The following PLXDC2 variants were observed in gnomAD, a reference collection of about 807,000 sequenced individuals.
PLXDC2 encodes plexin domain-containing protein 2.
In PLXDC2, 40 loss-of-function variants were observed where a neutral mutation model predicts 68.9. That is an observed-to-expected ratio of 0.58 (90% CI 0.45 to 0.76). The LOEUF is 0.76. Among genes scored for constraint, PLXDC2 ranks in the 30% least tolerant of loss-of-function variants. PLXDC2 has a pLI of 0.00. For missense variants in PLXDC2, 644 were observed against 661.9 expected, an observed-to-expected ratio of 0.97 and a Z score of 0.30; for synonymous variants, 243 against 234.2, an observed-to-expected ratio of 1.04 and a Z score of -0.34.
chr10:19,821,996 A>C (rs1224891796), intron 1 of PLXDC2, among the ~76,000 whole-genome samples: 5 of 151,930 alleles, frequency 3.3e-5, no homozygotes. Flanking sequence ...TTCTTATTCT[A>C]TGTATAAGAG....
intron 12 of PLXDC2, among the ~76,000 whole-genome samples, chr10:20,229,210 A>G (rs1835327091): frequency 6.6e-6 from 1 of 152,086 alleles, no homozygotes; most frequent in African/African-American, 2.4e-5. Context: ...GACAGGAGGG[A>G]GAAATTGAGG....
chr10:20,247,296 CAA>C (rs77665495), intron 13 of PLXDC2, among the ~76,000 whole-genome samples: 13 of 96,482 alleles, frequency 1.3e-4, no homozygotes, highest in African/African-American at 1.7e-4. Flanking sequence ...TTCATCTCTA[CAA>C]AAAAAAAAAA....
intron 1 of PLXDC2, among the ~76,000 whole-genome samples, chr10:19,982,980 A>G (rs745502956): frequency 6.6e-6 from 1 of 152,178 alleles, no homozygotes; most frequent in Non-Finnish European, 1.5e-5. Flanking sequence ...GTACTTCATC[A>G]TAGTCTCCAA....
At chr10:19,884,460 GTCACCTAGCATTAGGTATATC>G (rs1837801507) in intron 1 of PLXDC2, among the ~76,000 whole-genome samples, 1 of 151,676 alleles carries the variant, frequency 6.6e-6, no homozygotes, top group Non-Finnish European at 1.5e-5. Context: ...CCACTAACTC[GTCACCTAGCATTAGGTATATC>G]TCCCAATGCT....
chr10:20,189,135 C>T (rs1454002557), intron 9 of PLXDC2, among the ~76,000 whole-genome samples: 1 of 75,818 alleles, frequency 1.3e-5, no homozygotes, highest in African/African-American at 3.2e-5. Context: ...TCCTTTTAAG[C>T]CTTCCAAACC....
intron 1 of PLXDC2, among the ~76,000 whole-genome samples, chr10:19,852,747 T>C (rs79808126): frequency 0.1 from 15,300 of 152,270 alleles, 907 homozygotes; most frequent in East Asian, 0.15. Context: ...TGTGTTTTTA[T>C]GATGGAGTTT....
At chr10:20,127,123 T>G (rs1186775906) in intron 4 of PLXDC2, among the ~76,000 whole-genome samples, 1 of 152,048 alleles carries the variant, frequency 6.6e-6, no homozygotes, top group Non-Finnish European at 1.5e-5. Flanking sequence ...ACTCTCGATT[T>G]GGGAATGTTG....
At chr10:20,066,985 T>G (rs1306609615) in intron 3 of PLXDC2, among the ~76,000 whole-genome samples, 3 of 152,150 alleles carry the variant, frequency 2.0e-5, no homozygotes, top group Non-Finnish European at 4.4e-5. Flanking sequence ...ATCATCTGTA[T>G]TATATTAGGT....
intron 2 of PLXDC2, among the ~76,000 whole-genome samples, chr10:20,024,960 A>G (rs1462770356): frequency 2.6e-5 from 4 of 152,138 alleles, no homozygotes; most frequent in East Asian, 3.9e-4. Flanking sequence ...TCTTTATCCA[A>G]TCCACCATCG....
chr10:20,034,900 A>G (rs1281524443), intron 2 of PLXDC2, among the ~76,000 whole-genome samples: 1 of 152,194 alleles, frequency 6.6e-6, no homozygotes, highest in African/African-American at 2.4e-5. Context: ...GAAGTAGATT[A>G]TACCATCTAG....
chr10:20,233,596 A>G (rs565912343), intron 12 of PLXDC2, among the ~76,000 whole-genome samples: 6 of 152,306 alleles, frequency 3.9e-5, no homozygotes, highest in African/African-American at 1.4e-4. Flanking sequence ...TAATTTGTTC[A>G]TAGTCACATG....
At chr10:20,194,796 C>T (rs1834816054) in intron 9 of PLXDC2, among the ~76,000 whole-genome samples, 1 of 116,100 alleles carries the variant, frequency 8.6e-6, no homozygotes, top group Non-Finnish European at 1.7e-5. Context: ...CTCCCCCCAC[C>T]CCAGGACAGG....
intron 12 of PLXDC2, among the ~76,000 whole-genome samples, chr10:20,240,101 C>G (rs1285086654): frequency 6.6e-6 from 1 of 152,102 alleles, no homozygotes; most frequent in African/African-American, 2.4e-5. Context: ...CTCAAGTAGG[C>G]TCTGGTATCT....
intron 1 of PLXDC2, among the ~76,000 whole-genome samples, chr10:19,869,691 G>A (rs1217252231): frequency 1.3e-5 from 2 of 151,778 alleles, no homozygotes; most frequent in East Asian, 1.9e-4. Context: ...GTATTTATTT[G>A]TATTTAATTA....
chr10:19,956,657 A>T (rs935355546), intron 1 of PLXDC2, among the ~76,000 whole-genome samples: 3 of 152,234 alleles, frequency 2.0e-5, no homozygotes, highest in South Asian at 2.1e-4. Context: ...ACAAAAGGAG[A>T]GATGGAATAA....
At chr10:20,076,546 AT>A (rs150999647) in intron 4 of PLXDC2, among the ~76,000 whole-genome samples, 1 of 152,284 alleles carries the variant, frequency 6.6e-6, no homozygotes. Flanking sequence ...CTAATACTGC[AT>A]TTTTCCCCCA....
intron 1 of PLXDC2, among the ~76,000 whole-genome samples, chr10:19,853,579 C>G (rs373916841): frequency 2.7e-5 from 4 of 150,610 alleles, no homozygotes; most frequent in African/African-American, 9.7e-5. Context: ...CTTCTCTTTC[C>G]CCTTCGAGTT....
intron 1 of PLXDC2, among the ~76,000 whole-genome samples, chr10:19,966,292 C>A (rs962882172): frequency 3.6e-4 from 26 of 71,928 alleles, no homozygotes; most frequent in African/African-American, 1.5e-3. Context: ...TATATATACA[C>A]ATATATGTGT....
intron 1 of PLXDC2, among the ~76,000 whole-genome samples, chr10:19,950,442 A>G (rs907656716): frequency 2.0e-5 from 3 of 152,214 alleles, no homozygotes; most frequent in Non-Finnish European, 4.4e-5. Context: ...CTAGGAATAC[A>G]TCTAACCAAG....
Sources: allele counts gnomAD v4.1 joint callset (sites outside exome capture counted in the v4.1 genomes callset), GRCh38; gene constraint gnomAD v4.1.1; transcripts MANE v1.5; gene names NCBI Gene and HGNC (gene_info 2026-07-23, HGNC 2026-07-21).